The following SEM1 variants were observed in gnomAD, a reference collection of about 807,000 sequenced individuals.
SEM1 encodes the protein 26S proteasome complex subunit SEM1.
SEM1 carries 3 observed loss-of-function variants against 12.7 expected under a neutral mutation model. That is an observed-to-expected ratio of 0.24 (90% CI 0.11 to 0.61). The LOEUF (loss-of-function observed/expected upper bound fraction) is 0.61, where lower values mean the gene tolerates loss of function less well. SEM1 is among the 20% of genes least tolerant of loss of function. SEM1 has a pLI of 0.88. For synonymous variants in SEM1, 30 were observed against 27.8 expected (o/e 1.08, Z -0.25); for missense variants, 59 against 81.3 (o/e 0.73, Z 1.06).
At chr7:96,610,453 A>G (rs1009149215) in intron 2 of SEM1, among the ~76,000 whole-genome samples, 6 of 152,186 alleles carry the variant, frequency 3.9e-5, no homozygotes, top group African/African-American at 1.4e-4. Context: ...ATTATCTGCT[A>G]TGAAGGTGAA....
At chr7:96,645,198 T>C (rs1808745331) in intron 2 of SEM1, among the ~76,000 whole-genome samples, 4 of 152,150 alleles carry the variant, frequency 2.6e-5, no homozygotes, top group Admixed American at 2.6e-4. Context: ...AATAAGTTAA[T>C]ATTTAAGCAT....
At chr7:96,530,001 C>T (rs942612270) in intron 2 of SEM1, among the ~76,000 whole-genome samples, 3 of 152,030 alleles carry the variant, frequency 2.0e-5, no homozygotes, top group Non-Finnish European at 2.9e-5. Context: ...TGGGAAAACT[C>T]TCAACTAGCA....
At chr7:96,484,424 G>A (rs985658854) in intron 3 of SEM1, among the ~76,000 whole-genome samples, 3 of 152,174 alleles carry the variant, frequency 2.0e-5, no homozygotes, top group Non-Finnish European at 2.9e-5. Context: ...AGCTCTTCAT[G>A]TGAACCAGAG....
intron 2 of SEM1, among the ~76,000 whole-genome samples, chr7:96,553,349 T>C (rs1392214632): frequency 6.6e-6 from 1 of 151,638 alleles, no homozygotes; most frequent in South Asian, 2.1e-4. Flanking sequence ...AAGTCTTTAA[T>C]CCATCTTGAA....
At chr7:96,598,576 G>T (rs1041560267) in intron 2 of SEM1, among the ~76,000 whole-genome samples, 1 of 151,972 alleles carries the variant, frequency 6.6e-6, no homozygotes, top group Non-Finnish European at 1.5e-5. Flanking sequence ...TTTCTAAGTT[G>T]TTATCCATGT....
chr7:96,526,818 T>G (rs4729263), intron 2 of SEM1, among the ~76,000 whole-genome samples: 2,289 of 152,030 alleles, frequency 0.015, 49 homozygotes, highest in East Asian at 0.071. Flanking sequence ...TTTTTTGTTA[T>G]CAAGCAGACA....
chr7:96,612,945 GT>G (rs1188882435), intron 2 of SEM1, among the ~76,000 whole-genome samples: 4 of 130,654 alleles, frequency 3.1e-5, no homozygotes, highest in Non-Finnish European at 6.5e-5. Flanking sequence ...AAATATAGTT[GT>G]TTTTAATTTA....
At chr7:96,562,853 A>G (rs1805731839) in intron 2 of SEM1, among the ~76,000 whole-genome samples, 1 of 152,202 alleles carries the variant, frequency 6.6e-6, no homozygotes, top group African/African-American at 2.4e-5. Context: ...CCATAGATGT[A>G]GATTTTTCTA....
intron 2 of SEM1, among the ~76,000 whole-genome samples, chr7:96,542,145 T>C (rs1403186847): frequency 6.6e-6 from 1 of 151,756 alleles, no homozygotes; most frequent in African/African-American, 2.4e-5. Context: ...AAAAATTACA[T>C]TGGTAGTTTG....
intron 1 of SEM1, among the ~76,000 whole-genome samples, chr7:96,703,973 AC>A (rs1790356956): frequency 5.3e-4 from 5 of 9,364 alleles, no homozygotes; most frequent in Admixed American, 1.6e-3. Flanking sequence ...TCTCTTAAAA[AC>A]ACACACACAC....
intron 2 of SEM1, among the ~76,000 whole-genome samples, chr7:96,576,323 A>G (rs191501097): frequency 6.6e-6 from 1 of 152,138 alleles, no homozygotes; most frequent in Non-Finnish European, 1.5e-5. Flanking sequence ...TTTATTGTGT[A>G]TTTTCATTCT....
chr7:96,556,646 G>A (rs1432137865), intron 2 of SEM1, among the ~76,000 whole-genome samples: 1 of 134,648 alleles, frequency 7.4e-6, no homozygotes, highest in Non-Finnish European at 1.6e-5. Context: ...TTTCAACTTT[G>A]GTGCATCTGA....
At chr7:96,562,569 C>G (rs62471402) in intron 2 of SEM1, among the ~76,000 whole-genome samples, 13,342 of 152,182 alleles carry the variant, frequency 0.088, 629 homozygotes, top group South Asian at 0.14. Flanking sequence ...ATTGGATGGT[C>G]AATGGAAACT....
At chr7:96,566,633 A>G (rs2115948491) in intron 2 of SEM1, among the ~76,000 whole-genome samples, 1 of 151,688 alleles carries the variant, frequency 6.6e-6, no homozygotes, top group East Asian at 1.9e-4. Flanking sequence ...CTATGCAGAC[A>G]ATGTTTAATT....
At chr7:96,655,854 T>C (rs1017441358) in intron 2 of SEM1, among the ~76,000 whole-genome samples, 4 of 152,232 alleles carry the variant, frequency 2.6e-5, no homozygotes, top group African/African-American at 9.6e-5. Flanking sequence ...TAGAATATTT[T>C]GATAATTAGT....
intron 2 of SEM1, among the ~76,000 whole-genome samples, chr7:96,552,687 G>A (rs1369085676): frequency 2.0e-5 from 3 of 151,152 alleles, no homozygotes; most frequent in African/African-American, 7.3e-5. Flanking sequence ...ATGATTTATA[G>A]TCCTTTGGGT....
At chr7:96,616,293 A>C (rs1007689509) in intron 2 of SEM1, among the ~76,000 whole-genome samples, 2 of 152,160 alleles carry the variant, frequency 1.3e-5, no homozygotes, top group Non-Finnish European at 2.9e-5. Flanking sequence ...TTTGATGATT[A>C]GTGATGCTGA....
chr7:96,672,449 T>G (rs1489446287), downstream of SEM1: 1 of 152,244 alleles, frequency 6.6e-6, no homozygotes, highest in Non-Finnish European at 1.5e-5. Flanking sequence ...TTCCTCACTC[T>G]AGTTTTTTAC....
chr7:96,593,687 G>T (rs1267483401), intron 2 of SEM1, among the ~76,000 whole-genome samples: 1 of 152,078 alleles, frequency 6.6e-6, no homozygotes, highest in Non-Finnish European at 1.5e-5. Flanking sequence ...AAAGACTAAA[G>T]AAATCCAATA....
Sources: gnomAD v4.1 joint callset for allele counts (sites outside exome capture counted in the v4.1 genomes callset) on GRCh38, gnomAD v4.1.1 for gene constraint, MANE v1.5 for transcripts, NCBI Gene and HGNC (gene_info 2026-07-23, HGNC 2026-07-21) for gene names.